Variants in PHTF2 observed in about 807,000 individuals in gnomAD.
The protein encoded by PHTF2 is putative homeodomain transcription factor 2, also known as protein PHTF2.
In PHTF2, 60 loss-of-function variants were observed where a neutral mutation model predicts 101.2. The ratio of observed to expected loss-of-function variants is 0.59; its 90% CI spans 0.48 to 0.73. The LOEUF (loss-of-function observed/expected upper bound fraction) is 0.73, where lower values mean the gene tolerates loss of function less well. PHTF2 is among the 30% of genes least tolerant of loss of function. The pLI is 0.00. For missense variants in PHTF2, 747 were observed against 908.7 expected (o/e 0.82, Z 2.29); for synonymous variants, 311 against 307.3 (o/e 1.01, Z -0.13).
At chr7:77,895,168 C>T (rs1800770318) in intron 5 of PHTF2, 1 of 455,820 alleles carries the variant, frequency 2.2e-6, no homozygotes. Flanking sequence ...TGAGAGTTCT[C>T]AGTTTATAAA....
At chr7:77,953,774 G>A (rs373338529) in exon 19 of PHTF2, 33 of 1,612,298 alleles carry the variant, frequency 2.0e-5, no homozygotes, top group Non-Finnish European at 2.8e-5. Flanking sequence ...GCTAGGAGTT[G>A]GACAGTCCTT....
At chr7:77,917,994 A>G (rs913551381) in intron 9 of PHTF2, among the ~76,000 whole-genome samples, 2 of 152,314 alleles carry the variant, frequency 1.3e-5, no homozygotes, top group South Asian at 2.1e-4. Flanking sequence ...GAAACAACCC[A>G]GAGAAGATTG....
intron 1 of PHTF2, among the ~76,000 whole-genome samples, chr7:77,834,709 C>G (rs1466310304): frequency 4.6e-5 from 7 of 152,216 alleles, no homozygotes. Flanking sequence ...CAAGAGCACA[C>G]AGCTCTTAGT....
At chr7:77,912,587 C>T (rs1802496967) in intron 9 of PHTF2, among the ~76,000 whole-genome samples, 1 of 151,910 alleles carries the variant, frequency 6.6e-6, no homozygotes, top group Non-Finnish European at 1.5e-5. Flanking sequence ...AATAACCACA[C>T]AGATACCTAA....
intron 12 of PHTF2, among the ~76,000 whole-genome samples, chr7:77,929,991 T>G (rs540585771): frequency 6.8e-6 from 1 of 148,102 alleles, no homozygotes; most frequent in Non-Finnish European, 1.5e-5. Context: ...GTCCCTCTTG[T>G]CACCCAGGCT....
chr7:77,821,941 G>C (rs1162589364), intron 1 of PHTF2, among the ~76,000 whole-genome samples: 1 of 152,196 alleles, frequency 6.6e-6, no homozygotes, highest in Non-Finnish European at 1.5e-5. Context: ...CTGTTTCTTA[G>C]ACCTTGATTG....
chr7:77,931,420 A>G lies in PHTF2; in HGVS notation c.1338+2093A>G, dbSNP rs566269206. 5.3e-5 allele frequency among the ~76,000 whole-genome samples: 8 copies of G among 152,366 alleles called. No individual in the cohort carries two copies. The East Asian group carries it at 1.5e-3, about 29-fold the overall frequency. Reference sequence around the variant, plus strand: ...ATAAGTAAAAGACAAATGACTCAATAGAAAAATAAAAGGATGTGAACAGGT... The same window carrying G: ...ATAAGTAAAAGACAAATGACTCAATGGAAAAATAAAAGGATGTGAACAGGT... On this transcript the variant is annotated intron_variant, in intron 12 of 19. Coordinates refer to ENST00000416283, the Ensembl canonical transcript of PHTF2.
At chr7:77,953,157 C>G (rs889341407) in intron 18 of PHTF2, among the ~76,000 whole-genome samples, 1 of 152,144 alleles carries the variant, frequency 6.6e-6, no homozygotes, top group Non-Finnish European at 1.5e-5. Context: ...TTCAGGAGCA[C>G]CTTCCTCTAT....
At chr7:77,912,478 T>C (rs1410084602) in intron 9 of PHTF2, among the ~76,000 whole-genome samples, 1 of 152,138 alleles carries the variant, frequency 6.6e-6, no homozygotes, top group Non-Finnish European at 1.5e-5. Context: ...TATCAACTTA[T>C]CAACTAAGAC....
exon 8 of PHTF2, chr7:77,908,954 A>C: frequency 6.3e-7 from 1 of 1,589,454 alleles, no homozygotes. Flanking sequence ...GGGTAAAAGA[A>C]GAAGGTACTG....
At chr7:77,876,008 T>C (rs1001398941) in intron 3 of PHTF2, among the ~76,000 whole-genome samples, 1 of 152,208 alleles carries the variant, frequency 6.6e-6, no homozygotes, top group South Asian at 2.1e-4. Context: ...TTTAGAGAAG[T>C]CTAGTAGTTT....
At chr7:77,815,962 G>A (rs75041410) in intron 1 of PHTF2, among the ~76,000 whole-genome samples, 3,148 of 151,996 alleles carry the variant, frequency 0.021, 91 homozygotes, top group African/African-American at 0.071. Flanking sequence ...GTATGTATGC[G>A]TTTGCTGTCA....
chr7:77,906,896 A>G (rs926171063), intron 7 of PHTF2, among the ~76,000 whole-genome samples: 1 of 150,452 alleles, frequency 6.6e-6, no homozygotes, highest in African/African-American at 2.5e-5. Flanking sequence ...CAGCAGAGCG[A>G]GACTCCGTCT....
chr7:77,878,306 C>T (rs1799117245), intron 3 of PHTF2, among the ~76,000 whole-genome samples: 1 of 151,748 alleles, frequency 6.6e-6, no homozygotes, highest in African/African-American at 2.4e-5. Flanking sequence ...TGTCTTCTTG[C>T]ACTGTCAGTC....
intron 3 of PHTF2, among the ~76,000 whole-genome samples, chr7:77,888,403 G>A (rs142340758): frequency 0.011 from 1,720 of 152,220 alleles, 17 homozygotes; most frequent in South Asian, 0.016. Context: ...GGCATGAGCC[G>A]CTGCGCCCGG....
intron 3 of PHTF2, among the ~76,000 whole-genome samples, chr7:77,890,565 A>G (rs1337484324): frequency 6.6e-6 from 1 of 151,182 alleles, no homozygotes; most frequent in Non-Finnish European, 1.5e-5. Flanking sequence ...TTATTATTTT[A>G]CTAAAAAGTA....
chr7:77,847,342 ATT>A (rs923664633), intron 2 of PHTF2, among the ~76,000 whole-genome samples: 27 of 152,158 alleles, frequency 1.8e-4, no homozygotes, highest in Non-Finnish European at 5.9e-5. Flanking sequence ...CTTGAATGTA[ATT>A]TTAAACTACC....
chr7:77,954,389 C>T (rs890379514), intron 19 of PHTF2, among the ~76,000 whole-genome samples: 2 of 152,062 alleles, frequency 1.3e-5, no homozygotes, highest in South Asian at 4.1e-4. Flanking sequence ...CCACCTTGGC[C>T]TCCCAGAGTG....
chr7:77,873,468 AG>A (rs1221765517), intron 3 of PHTF2, among the ~76,000 whole-genome samples: 2 of 152,020 alleles, frequency 1.3e-5, no homozygotes, highest in Admixed American at 1.3e-4. Context: ...CCCCATCTCT[AG>A]GGGCCGGCTG....
Sources: allele counts gnomAD v4.1 joint callset (sites outside exome capture counted in the v4.1 genomes callset), GRCh38; gene constraint gnomAD v4.1.1; transcripts MANE v1.5; gene names NCBI Gene and HGNC (gene_info 2026-07-23, HGNC 2026-07-21).